The following RAB9B variants were observed in gnomAD, a reference collection of about 807,000 sequenced individuals.
RAB9B encodes RAB9B, member RAS oncogene family, also known as ras-related protein Rab-9B.
RAB9B carries 1 observed loss-of-function variant against 8.9 expected under a neutral mutation model. The ratio of observed to expected loss-of-function variants is 0.11; its 90% CI spans 0.04 to 0.53. RAB9B has a LOEUF of 0.53. Among genes scored for constraint, RAB9B ranks in the 20% least tolerant of loss-of-function variants. The pLI is 0.93. For missense variants in RAB9B, 82 were observed against 152.9 expected (o/e 0.54, Z 2.45); for synonymous variants, 63 against 57.0 (o/e 1.10, Z -0.47).
the RAB9B span, among the ~76,000 whole-genome samples, chrX:103,807,456 C>T: frequency 2.7e-5 from 3 of 111,688 alleles, no homozygotes; most frequent in African/African-American, 9.8e-5. Flanking sequence ...GGCTTTCCTC[C>T]TCTTCACCTC....
At chrX:103,782,042 TTTGA>T in the RAB9B span, among the ~76,000 whole-genome samples, 17 of 112,486 alleles carry the variant, frequency 1.5e-4, no homozygotes, top group Admixed American at 1.6e-3. Flanking sequence ...CTCAGAATGC[TTTGA>T]TTGTCAACTA....
rs2074677881 is a variant in RAB9B at position 103,825,019 on chromosome X, T to G, written c.*160A>C. 1.8e-6 allele frequency: 1 copy of G among 571,408 alleles called. No individual in the cohort carries two copies. Among genetic ancestry groups the G allele is most frequent in the Admixed American group, 3.8e-5 (1 of 26,338 alleles). 47.1% of individuals were successfully genotyped at this position (571,408 alleles called of 1,213,427 possible). A position where few individuals can be genotyped will look rare whatever the true frequency, so the allele number is the denominator to read the frequency against. On this transcript the variant is annotated 3_prime_UTR_variant, in exon 3 of 3. Transcript: ENST00000243298. ...TCATTTTTTTTAATTTTTAATTTTTTTAAATCAATCTACACTTCAATTTGA... is the reference window on the plus strand; with the variant it reads ...TCATTTTTTTTAATTTTTAATTTTTGTAAATCAATCTACACTTCAATTTGA...
intron 1 of RAB9B, among the ~76,000 whole-genome samples, chrX:103,828,530 C>T (rs758645238): frequency 3.6e-5 from 4 of 111,921 alleles, no homozygotes; most frequent in Non-Finnish European, 7.5e-5. Flanking sequence ...GAAGTACAAA[C>T]TTGGGCATGA....
At chrX:103,782,874 C>T in the RAB9B span, among the ~76,000 whole-genome samples, 1 of 112,013 alleles carries the variant, frequency 8.9e-6, no homozygotes, top group African/African-American at 3.2e-5. Flanking sequence ...CTTCTTTGTC[C>T]GGGGGAGCTA....
At chrX:103,807,231 G>A in the RAB9B span, among the ~76,000 whole-genome samples, 17 of 111,874 alleles carry the variant, frequency 1.5e-4, 1 homozygote, top group Non-Finnish European at 3.2e-4. Flanking sequence ...GTCATACCTA[G>A]TTCTGTCAGT....
At chrX:103,826,101 C>T (rs1228862568) in intron 2 of RAB9B, among the ~76,000 whole-genome samples, 1 of 111,825 alleles carries the variant, frequency 8.9e-6, no homozygotes, top group Non-Finnish European at 1.9e-5. Flanking sequence ...TCAGTTCTGA[C>T]CCAATTCTAG....
At chrX:103,788,558 A>G in the RAB9B span, 2 of 910,515 alleles carry the variant, frequency 2.2e-6, no homozygotes, top group East Asian at 3.1e-5. Context: ...CTAATACCAT[A>G]CAAATTACAC....
the RAB9B span, chrX:103,785,762 T>C: frequency 3.3e-6 from 4 of 1,203,550 alleles, no homozygotes; most frequent in Non-Finnish European, 1.1e-6. Flanking sequence ...GAGTATCTCA[T>C]CAATGTGTAA....
the RAB9B span, chrX:103,787,473 A>G: frequency 2.9e-6 from 1 of 348,969 alleles, no homozygotes; most frequent in Non-Finnish European, 5.1e-6. Context: ...AAGGCACAAA[A>G]TGGCACGACT....
chrX:103,830,838 A>G (rs948679606), intron 1 of RAB9B, among the ~76,000 whole-genome samples: 3 of 111,951 alleles, frequency 2.7e-5, no homozygotes, highest in Non-Finnish European at 3.8e-5. Flanking sequence ...ACCTTTGAAA[A>G]TAGTACATTT....
At chrX:103,819,989 G>T (rs186556186), downstream of RAB9B, among the ~76,000 whole-genome samples, 2 of 112,105 alleles carry the variant, frequency 1.8e-5, no homozygotes, top group East Asian at 2.8e-4. Context: ...GGTCACAAGG[G>T]TGAAGCCCTC....
the RAB9B span, among the ~76,000 whole-genome samples, chrX:103,810,024 G>A: frequency 7.2e-5 from 8 of 111,750 alleles, no homozygotes; most frequent in East Asian, 1.7e-3. Flanking sequence ...ACTTTGTGGC[G>A]CTTAGTGGCT....
chrX:103,784,883 G>A, the RAB9B span, among the ~76,000 whole-genome samples: 6 of 112,088 alleles, frequency 5.4e-5, no homozygotes, highest in South Asian at 2.2e-3. Context: ...ATAATGCTGG[G>A]CATATAGTGA....
chrX:103,804,097 CTA>C, the RAB9B span, among the ~76,000 whole-genome samples: 1 of 111,658 alleles, frequency 9.0e-6, no homozygotes, highest in Non-Finnish European at 1.9e-5. Context: ...AGATTTTTAC[CTA>C]TGTTTTCTTC....
At chrX:103,815,629 G>C in the RAB9B span, among the ~76,000 whole-genome samples, 1 of 112,199 alleles carries the variant, frequency 8.9e-6, no homozygotes, top group Non-Finnish European at 1.9e-5. Flanking sequence ...AATAGGAAGA[G>C]AGGAAGTCAA....
chrX:103,808,187 C>T, the RAB9B span, among the ~76,000 whole-genome samples: 1 of 111,949 alleles, frequency 8.9e-6, no homozygotes, highest in Admixed American at 9.4e-5. Context: ...GGCTCTGCTG[C>T]CAGGCTGCAG....
In RAB9B at chrX:103,822,389, G is replaced by GA. The variant is rs1385255103; in HGVS notation, c.*2789dup. On this transcript the variant is annotated 3_prime_UTR_variant, in exon 3 of 3. Transcript: ENST00000243298. ...CACAGATGATTTTTTACAGTTGAAA[G>GA]AAAATATTTGATACACAATTTTGAG... The GA allele has an allele frequency of 1.8e-5, 2 of 112,047 alleles. No individual in the cohort carries two copies. Among genetic ancestry groups the GA allele is most frequent in the African/African-American group, 6.5e-5 (2 of 30,814 alleles). 9.2% of individuals were successfully genotyped at this position (112,047 alleles called of 1,213,427 possible).
chrX:103,786,601 G>T, the RAB9B span: 2 of 1,209,808 alleles, frequency 1.7e-6, no homozygotes, highest in African/African-American at 3.5e-5. Flanking sequence ...CACCATCTGC[G>T]GCAAGGGCCT....
chrX:103,816,923 G>A, the RAB9B span, among the ~76,000 whole-genome samples: 33 of 112,328 alleles, frequency 2.9e-4, no homozygotes, highest in East Asian at 8.6e-3. Flanking sequence ...TACAAAGTTA[G>A]GAAACAACAG....
Sources: gnomAD v4.1 joint callset for allele counts (sites outside exome capture counted in the v4.1 genomes callset) on GRCh38, gnomAD v4.1.1 for gene constraint, MANE v1.5 for transcripts, NCBI Gene and HGNC (gene_info 2026-07-23, HGNC 2026-07-21) for gene names.